The following TMCO5A variants were observed in gnomAD, a reference collection of about 807,000 sequenced individuals.
TMCO5A encodes transmembrane and coiled-coil domains 5A.
In TMCO5A, 34 loss-of-function variants were observed where a neutral mutation model predicts 42.3. That is an observed-to-expected ratio of 0.80 (90% CI 0.61 to 1.07). TMCO5A has a LOEUF of 1.07. TMCO5A is among the 50% of genes least tolerant of loss of function. TMCO5A has a pLI of 0.00. For missense variants in TMCO5A, 357 were observed against 327.9 expected (o/e 1.09, Z -0.69); for synonymous variants, 131 against 115.6 (o/e 1.13, Z -0.86).
At chr15:38,005,660 G>A in the TMCO5A span, among the ~76,000 whole-genome samples, 2 of 152,134 alleles carry the variant, frequency 1.3e-5, no homozygotes, top group Admixed American at 1.3e-4. Flanking sequence ...CTCATACTGG[G>A]CTAAGTAGAA....
chr15:37,997,973 T>G, the TMCO5A span, among the ~76,000 whole-genome samples: 1 of 152,210 alleles, frequency 6.6e-6, no homozygotes, highest in South Asian at 2.1e-4. Flanking sequence ...CCTTTTCATA[T>G]GCCTGCTTGC....
chr15:37,950,187 A>G lies in TMCO5A; in HGVS notation c.669-849A>G, dbSNP rs76019124. On this transcript the variant is annotated intron_variant, in intron 11 of 11. Transcript: ENST00000319669. ...GTTATTAAATCCAGCCCAAACTCCA[A>G]TGGAGGGGAATACTCTTGAAAGGAG... Among the ~76,000 whole-genome samples the G allele has an allele frequency of 8.4e-3, 1,276 of 152,324 alleles. 27 individuals are homozygous for G. Among genetic ancestry groups the G allele is most frequent in the East Asian group, 0.06 (309 of 5,176 alleles).
chr15:37,951,084 G>C lies in TMCO5A; in HGVS notation c.717G>C (p.Leu239=), dbSNP rs780461625. 6.2e-7 allele frequency: 1 copy of C among 1,613,030 alleles called. No homozygotes were observed. ...FFITLFFIRL[L]SYMFFHVRFI... ...TCACCCTATTTTTCATCAGACTGCT[G>C]AGCTACATGTTTTTTCATGTAAGAT... Residue 239 remains leucine, a synonymous_variant, in exon 12 of 12, where the codon CTG becomes CTC. Transcript: ENST00000319669.
chr15:38,019,698 C>T, the TMCO5A span, among the ~76,000 whole-genome samples: 1 of 152,004 alleles, frequency 6.6e-6, no homozygotes, highest in African/African-American at 2.4e-5. Flanking sequence ...GCCTCAAATT[C>T]CTGGACTCAA....
the TMCO5A span, among the ~76,000 whole-genome samples, chr15:38,037,449 T>C: frequency 3.3e-5 from 5 of 152,216 alleles, no homozygotes; most frequent in Admixed American, 3.3e-4. Flanking sequence ...TTTGGAATTA[T>C]GATTGTAGAA....
rs773488924 is a variant in TMCO5A at position 37,936,870 on chromosome 15, C to A, written c.164C>A (p.Thr55Lys). 1 of 1,612,010 alleles carries A rather than the reference C, an allele frequency of 6.2e-7. No individual in the cohort carries two copies. Among genetic ancestry groups the A allele is most frequent in the South Asian group, 1.1e-5 (1 of 91,026 alleles). ...AGGCTGGAAAGTGAGATCATTCAGA[C>A]GCGGGGCCTGGTGGAAGATGAAGAG... is the stretch of plus-strand genomic sequence containing the variant. ...IQRLESEIIQ[T>K]RGLVEDEEWE... The change falls in exon 4 of 12, where the codon ACG (threonine) becomes AAG (lysine). Residue 55 changes from threonine to lysine, a missense_variant. Coordinates refer to ENST00000319669, the MANE Select transcript of TMCO5A (RefSeq NM_152453.4).
the TMCO5A span, among the ~76,000 whole-genome samples, chr15:38,018,771 A>T: frequency 1.3e-5 from 2 of 150,550 alleles, no homozygotes; most frequent in African/African-American, 4.9e-5. Context: ...CAGTAATGTT[A>T]TTTTTTTTTT....
the TMCO5A span, among the ~76,000 whole-genome samples, chr15:37,975,294 T>C: frequency 6.6e-6 from 1 of 152,220 alleles, no homozygotes; most frequent in Non-Finnish European, 1.5e-5. Context: ...CAAATATCTT[T>C]GTTAGTTTTC....
At chr15:38,038,228 T>A in the TMCO5A span, among the ~76,000 whole-genome samples, 1 of 152,090 alleles carries the variant, frequency 6.6e-6, no homozygotes. Flanking sequence ...GCAAAACTCT[T>A]CTATGAAGTA....
chr15:37,969,867 CTTTT>C (rs897167930), downstream of TMCO5A, among the ~76,000 whole-genome samples: 1 of 152,090 alleles, frequency 6.6e-6, no homozygotes, highest in Non-Finnish European at 1.5e-5. Flanking sequence ...TAATCTTGTT[CTTTT>C]TTTATGGTTG....
intron 11 of TMCO5A, among the ~76,000 whole-genome samples, chr15:37,965,107 A>C (rs116111394): frequency 0.016 from 2,445 of 152,190 alleles, 74 homozygotes; most frequent in African/African-American, 0.056. Flanking sequence ...AGAAACAAAT[A>C]TGCACACCTA....
At chr15:38,025,145 T>G in the TMCO5A span, 1 of 147,398 alleles carries the variant, frequency 6.8e-6, no homozygotes. Flanking sequence ...GAAGTGGAGG[T>G]AGGGCCACAG....
the TMCO5A span, among the ~76,000 whole-genome samples, chr15:38,001,315 G>A: frequency 1.3e-5 from 2 of 151,756 alleles, no homozygotes; most frequent in Admixed American, 6.6e-5. Flanking sequence ...ATATAAATAT[G>A]GCTACTCCTG....
At chr15:37,960,120 C>A (rs1890385304) in intron 11 of TMCO5A, among the ~76,000 whole-genome samples, 1 of 151,918 alleles carries the variant, frequency 6.6e-6, no homozygotes, top group African/African-American at 2.4e-5. Flanking sequence ...CAGCAGTATA[C>A]ACTGCACTAC....
chr15:37,946,991 G>T (rs1160056806), intron 10 of TMCO5A, among the ~76,000 whole-genome samples: 2 of 152,038 alleles, frequency 1.3e-5, no homozygotes, highest in Non-Finnish European at 2.9e-5. Flanking sequence ...CTGTGGATTT[G>T]TCATATATGA....
At chr15:37,975,383 G>GTACATGCCCGGTAATCCCA in the TMCO5A span, among the ~76,000 whole-genome samples, 1 of 151,476 alleles carries the variant, frequency 6.6e-6, no homozygotes, top group African/African-American at 2.4e-5. Flanking sequence ...TCTCTTTGTA[G>GTACATGCCCGGTAATCCCA]GTCTTTAAGA....
At chr15:38,015,101 A>G in the TMCO5A span, among the ~76,000 whole-genome samples, 1 of 151,684 alleles carries the variant, frequency 6.6e-6, no homozygotes, top group Non-Finnish European at 1.5e-5. Flanking sequence ...TGCCTGCTTT[A>G]TATTTGCTGG....
chr15:37,953,767 G>A (rs1890219063), downstream of TMCO5A, among the ~76,000 whole-genome samples: 1 of 151,972 alleles, frequency 6.6e-6, no homozygotes, highest in African/African-American at 2.4e-5. Context: ...GACCTTTCAG[G>A]AAGAAATTTA....
At chr15:37,959,246 C>T (rs192197294) in intron 11 of TMCO5A, among the ~76,000 whole-genome samples, 207 of 151,854 alleles carry the variant, frequency 1.4e-3, no homozygotes, top group African/African-American at 4.9e-3. Context: ...GCACATGTAC[C>T]CCAGAATTTA....
Sources: gnomAD v4.1 joint callset for allele counts (sites outside exome capture counted in the v4.1 genomes callset) on GRCh38, gnomAD v4.1.1 for gene constraint, MANE v1.5 for transcripts, NCBI Gene and HGNC (gene_info 2026-07-23, HGNC 2026-07-21) for gene names.